Variants in DIAPH3 observed in about 807,000 individuals in gnomAD.
DIAPH3 encodes the protein diaphanous related formin 3.
DIAPH3 carries 117 observed loss-of-function variants against 144.3 expected under a neutral mutation model. The ratio of observed to expected loss-of-function variants is 0.81; its 90% CI spans 0.70 to 0.95. DIAPH3 has a LOEUF of 0.95. DIAPH3 is among the 40% of genes least tolerant of loss of function. The pLI, the probability that DIAPH3 is intolerant of heterozygous loss-of-function variation, is 0.00. For missense variants in DIAPH3, 1,421 were observed against 1,412.7 expected, an observed-to-expected ratio of 1.01 and a Z score of -0.09; for synonymous variants, 519 against 488.9, an observed-to-expected ratio of 1.06 and a Z score of -0.81.
intron 9 of DIAPH3, among the ~76,000 whole-genome samples, chr13:60,004,547 G>T (rs1388819191): frequency 6.6e-6 from 1 of 151,928 alleles, no homozygotes; most frequent in Non-Finnish European, 1.5e-5. Context: ...CCTTTATTAA[G>T]GAGTAAAAGC....
intron 27 of DIAPH3, among the ~76,000 whole-genome samples, chr13:59,771,812 T>C (rs1032043637): frequency 1.2e-4 from 19 of 152,266 alleles, no homozygotes; most frequent in African/African-American, 4.1e-4. Flanking sequence ...ATAGAAATAT[T>C]TGAGAAGGTT....
At chr13:59,951,684 CTT>C (rs1184045076) in intron 17 of DIAPH3, among the ~76,000 whole-genome samples, 1 of 152,058 alleles carries the variant, frequency 6.6e-6, no homozygotes, top group East Asian at 1.9e-4. Context: ...TCCCATCAAA[CTT>C]TTATAAAAGC....
At chr13:60,120,721 C>G (rs1594720878) in intron 2 of DIAPH3, among the ~76,000 whole-genome samples, 3 of 152,248 alleles carry the variant, frequency 2.0e-5, no homozygotes, top group Middle Eastern at 6.8e-3. Context: ...AGGGAAGAAC[C>G]GAGGCCTCCC....
intron 20 of DIAPH3, among the ~76,000 whole-genome samples, chr13:59,881,352 T>C (rs1455303617): frequency 3.3e-5 from 5 of 152,164 alleles, no homozygotes; most frequent in Non-Finnish European, 7.4e-5. Context: ...AGGTGTATAA[T>C]GGGCTCATAG....
chr13:59,674,238 A>G (rs1452917722), intron 27 of DIAPH3, among the ~76,000 whole-genome samples: 2 of 152,232 alleles, frequency 1.3e-5, no homozygotes, highest in African/African-American at 4.8e-5. Flanking sequence ...TATAGCTTGC[A>G]AACACTTTCC....
chr13:59,843,227 C>T (rs370336413), intron 22 of DIAPH3, among the ~76,000 whole-genome samples: 1 of 152,108 alleles, frequency 6.6e-6, no homozygotes, highest in Non-Finnish European at 1.5e-5. Context: ...TTTCATTGTA[C>T]CGTATGGATA....
At chr13:60,071,684 T>G (rs767634160) in intron 4 of DIAPH3, among the ~76,000 whole-genome samples, 2 of 152,208 alleles carry the variant, frequency 1.3e-5, no homozygotes, top group Non-Finnish European at 2.9e-5. Flanking sequence ...TCACTGAGAA[T>G]AGTGAAGCTA....
chr13:59,819,741 C>T (rs1392283961), intron 24 of DIAPH3, among the ~76,000 whole-genome samples: 2 of 140,930 alleles, frequency 1.4e-5, no homozygotes, highest in Non-Finnish European at 3.1e-5. Flanking sequence ...TTAAGTATGA[C>T]ATTTCATCAC....
chr13:59,791,201 C>A (rs1346713972), intron 25 of DIAPH3, among the ~76,000 whole-genome samples: 2 of 152,146 alleles, frequency 1.3e-5, no homozygotes, highest in African/African-American at 4.8e-5. Context: ...AACTCCTGGC[C>A]TCATGCAATC....
intron 17 of DIAPH3, among the ~76,000 whole-genome samples, chr13:59,932,525 A>C (rs1009752169): frequency 6.6e-6 from 1 of 152,154 alleles, no homozygotes; most frequent in African/African-American, 2.4e-5. Context: ...GAAGTATGTT[A>C]GGTGTCACAG....
intron 4 of DIAPH3, among the ~76,000 whole-genome samples, chr13:60,084,164 G>A (rs2057674117): frequency 6.6e-6 from 1 of 152,058 alleles, no homozygotes; most frequent in African/African-American, 2.4e-5. Context: ...TTACTTTTAG[G>A]CTAAAATATA....
At chr13:59,743,126 TAC>T (rs2139062118) in intron 27 of DIAPH3, among the ~76,000 whole-genome samples, 1 of 152,290 alleles carries the variant, frequency 6.6e-6, no homozygotes, top group Admixed American at 6.5e-5. Flanking sequence ...TACTGGAACT[TAC>T]ACAGACAGCC....
chr13:59,764,349 A>G (rs2037766693), intron 27 of DIAPH3, among the ~76,000 whole-genome samples: 1 of 151,344 alleles, frequency 6.6e-6, no homozygotes, highest in South Asian at 2.1e-4. Context: ...TTCCAGTCCC[A>G]TTTTCAGCTC....
intron 27 of DIAPH3, among the ~76,000 whole-genome samples, chr13:59,730,229 C>T (rs1258662137): frequency 1.3e-5 from 2 of 152,236 alleles, no homozygotes; most frequent in African/African-American, 2.4e-5. Flanking sequence ...AGATAGGACA[C>T]ATTCTTCAAT....
intron 4 of DIAPH3, among the ~76,000 whole-genome samples, chr13:60,061,908 G>T (rs2056789297): frequency 6.6e-6 from 1 of 151,970 alleles, no homozygotes; most frequent in Non-Finnish European, 1.5e-5. Flanking sequence ...TGCACACCAT[G>T]GTTTTCCCTA....
Position 59,666,405 on chromosome 13 carries a change from CA to C in DIAPH3, c.*178del. The C allele has an allele frequency of 2.9e-6, 2 of 684,464 alleles. No individual in the cohort carries two copies. Among genetic ancestry groups the C allele is most frequent in the Non-Finnish European group, 4.5e-6 (2 of 446,518 alleles). The allele number at this position is 684,464 out of a possible 1,614,324, so 42.4% of individuals were successfully genotyped here. On this transcript the variant is annotated 3_prime_UTR_variant, in exon 28 of 28. Transcript: ENST00000400324. ...AAGCCCGGTACAATCTTGAATAAAC[CA>C]AAACCTCCAGTACATAGAAAAAGCA...
intron 3 of DIAPH3, among the ~76,000 whole-genome samples, chr13:60,106,565 G>A (rs973008351): frequency 2.6e-5 from 4 of 151,882 alleles, no homozygotes; most frequent in African/African-American, 4.8e-5. Flanking sequence ...CCCCTTTCCC[G>A]CTAACAAAAG....
intron 1 of DIAPH3, among the ~76,000 whole-genome samples, chr13:60,160,200 G>A: frequency 6.6e-6 from 1 of 152,060 alleles, no homozygotes; most frequent in East Asian, 1.9e-4. Flanking sequence ...CTCCAGCCTG[G>A]GCGACAGAGC....
chr13:59,825,322 A>AG (rs2041335543), intron 24 of DIAPH3, among the ~76,000 whole-genome samples: 2 of 152,086 alleles, frequency 1.3e-5, no homozygotes, highest in African/African-American at 4.8e-5. Context: ...TTTACTGAGA[A>AG]TATGATTTCC....
Sources: allele counts gnomAD v4.1 joint callset (sites outside exome capture counted in the v4.1 genomes callset), GRCh38; gene constraint gnomAD v4.1.1; transcripts MANE v1.5; gene names NCBI Gene and HGNC (gene_info 2026-07-23, HGNC 2026-07-21).